The following RPS6KC1 variants were observed in gnomAD, a reference collection of about 807,000 sequenced individuals.
RPS6KC1 encodes inactive ribosomal protein S6 kinase delta-1.
RPS6KC1 carries 54 observed loss-of-function variants against 103.8 expected under a neutral mutation model. That is an observed-to-expected ratio of 0.52 (90% CI 0.42 to 0.65). RPS6KC1 has a LOEUF of 0.65. Among genes scored for constraint, RPS6KC1 ranks in the 30% least tolerant of loss-of-function variants. The pLI is 0.00. For missense variants in RPS6KC1, 1,151 were observed against 1,253.8 expected (o/e 0.92, Z 1.24); for synonymous variants, 439 against 438.7 (o/e 1.00, Z -0.01).
chr1:213,593,575 A>G, the RPS6KC1 span, among the ~76,000 whole-genome samples: 1 of 152,240 alleles, frequency 6.6e-6, no homozygotes, highest in Non-Finnish European at 1.5e-5. Flanking sequence ...GGTCCTAAAC[A>G]GTGAACTGTC....
the RPS6KC1 span, among the ~76,000 whole-genome samples, chr1:213,378,470 C>T: frequency 6.6e-6 from 1 of 152,046 alleles, no homozygotes; most frequent in Non-Finnish European, 1.5e-5. Flanking sequence ...AAATTGCATT[C>T]GTGTTTTTCT....
At chr1:213,674,746 C>T in the RPS6KC1 span, among the ~76,000 whole-genome samples, 1 of 152,212 alleles carries the variant, frequency 6.6e-6, no homozygotes, top group African/African-American at 2.4e-5. Context: ...TACATTCCCA[C>T]CAACAGTGCA....
the RPS6KC1 span, among the ~76,000 whole-genome samples, chr1:213,712,997 G>A: frequency 6.6e-6 from 1 of 152,028 alleles, no homozygotes; most frequent in African/African-American, 2.4e-5. Context: ...TACTGTAAAG[G>A]CACTTTTTAA....
At chr1:213,843,245 A>T in the RPS6KC1 span, among the ~76,000 whole-genome samples, 1 of 152,214 alleles carries the variant, frequency 6.6e-6, no homozygotes, top group Non-Finnish European at 1.5e-5. Flanking sequence ...AATGTTAATC[A>T]CATCCAAAAT....
the RPS6KC1 span, among the ~76,000 whole-genome samples, chr1:213,637,592 G>T: frequency 6.6e-6 from 1 of 151,946 alleles, no homozygotes; most frequent in Non-Finnish European, 1.5e-5. Context: ...AAATACCAAG[G>T]GGTAGAGCAG....
chr1:213,072,555 A>G (rs1572347196), intron 2 of RPS6KC1, among the ~76,000 whole-genome samples: 1 of 152,072 alleles, frequency 6.6e-6, no homozygotes, highest in South Asian at 2.1e-4. Context: ...CTCAAAAAAA[A>G]AAAAAAATAG....
the RPS6KC1 span, among the ~76,000 whole-genome samples, chr1:213,847,971 A>G: frequency 1.3e-5 from 2 of 152,032 alleles, no homozygotes; most frequent in African/African-American, 2.4e-5. Flanking sequence ...TCATACACAC[A>G]CACATACACA....
chr1:213,452,585 GA>G, the RPS6KC1 span, among the ~76,000 whole-genome samples: 1 of 152,246 alleles, frequency 6.6e-6, no homozygotes, highest in African/African-American at 2.4e-5. Flanking sequence ...AATAATGAAA[GA>G]ACTTGGTACA....
At chr1:213,426,143 G>T in the RPS6KC1 span, among the ~76,000 whole-genome samples, 13 of 152,234 alleles carry the variant, frequency 8.5e-5, no homozygotes, top group East Asian at 2.5e-3. Flanking sequence ...GGTGGCCTCC[G>T]CACTGCCAGG....
At chr1:213,350,010 CTCTTTT>C in the RPS6KC1 span, among the ~76,000 whole-genome samples, 1 of 152,142 alleles carries the variant, frequency 6.6e-6, no homozygotes, top group Non-Finnish European at 1.5e-5. Flanking sequence ...GGTCTGAATA[CTCTTTT>C]TAAGTCCCTA....
At chr1:213,366,306 G>A in the RPS6KC1 span, among the ~76,000 whole-genome samples, 28 of 152,216 alleles carry the variant, frequency 1.8e-4, no homozygotes, top group Admixed American at 3.3e-4. Flanking sequence ...AATGGGAAAC[G>A]ACTCTGTGAA....
chr1:213,100,234 A>T (rs1036277428), intron 3 of RPS6KC1, among the ~76,000 whole-genome samples: 1 of 151,906 alleles, frequency 6.6e-6, no homozygotes, highest in African/African-American at 2.4e-5. Context: ...ATTTTTTCAC[A>T]TGCTTATTAG....
chr1:213,461,794 G>A, the RPS6KC1 span, among the ~76,000 whole-genome samples: 1 of 152,092 alleles, frequency 6.6e-6, no homozygotes, highest in African/African-American at 2.4e-5. Context: ...AGACTTAAAC[G>A]TAAGACCTGA....
At chr1:213,857,307 T>C in the RPS6KC1 span, among the ~76,000 whole-genome samples, 1 of 152,192 alleles carries the variant, frequency 6.6e-6, no homozygotes, top group South Asian at 2.1e-4. Context: ...AGACTCCTCA[T>C]GAAAAACTAG....
chr1:213,833,712 C>T, the RPS6KC1 span, among the ~76,000 whole-genome samples: 2 of 152,164 alleles, frequency 1.3e-5, no homozygotes, highest in Non-Finnish European at 2.9e-5. Flanking sequence ...CACACCCTGG[C>T]GCTACTCTGC....
the RPS6KC1 span, among the ~76,000 whole-genome samples, chr1:213,601,393 T>C: frequency 6.8e-6 from 1 of 147,900 alleles, no homozygotes; most frequent in African/African-American, 2.4e-5. Flanking sequence ...TATATATTTA[T>C]ATTTGTATAT....
At chr1:213,191,969 C>T (rs559246720) in intron 8 of RPS6KC1, among the ~76,000 whole-genome samples, 2 of 152,034 alleles carry the variant, frequency 1.3e-5, no homozygotes, top group Admixed American at 1.3e-4. Context: ...TCACCATGCC[C>T]AGCTTATTTT....
At chr1:213,547,508 C>T in the RPS6KC1 span, among the ~76,000 whole-genome samples, 3 of 152,312 alleles carry the variant, frequency 2.0e-5, no homozygotes, top group East Asian at 1.9e-4. Flanking sequence ...AAAAGAACCG[C>T]TTCTATAGTA....
At chr1:213,649,287 G>A in the RPS6KC1 span, among the ~76,000 whole-genome samples, 1 of 146,164 alleles carries the variant, frequency 6.8e-6, no homozygotes, top group Non-Finnish European at 1.5e-5. Flanking sequence ...CTCCAACAAT[G>A]TCTCTCCAGT....
Sources: allele counts gnomAD v4.1 joint callset (sites outside exome capture counted in the v4.1 genomes callset), GRCh38; gene constraint gnomAD v4.1.1; transcripts MANE v1.5; gene names NCBI Gene and HGNC (gene_info 2026-07-23, HGNC 2026-07-21).